The following ABCC3 variants were observed in gnomAD, a reference collection of about 807,000 sequenced individuals.
The protein encoded by ABCC3 is ATP binding cassette subfamily C member 3, also known as ATP-binding cassette sub-family C member 3.
Under a neutral mutation model 165.3 loss-of-function variants are expected in ABCC3, and 121 were observed. The observed-to-expected ratio is 0.73, with a 90% CI of 0.63 to 0.85. The LOEUF is 0.85. Among genes scored for constraint, ABCC3 ranks in the 40% least tolerant of loss-of-function variants. The pLI is 0.00. For missense variants in ABCC3, 1,869 were observed against 1,964.1 expected (o/e 0.95, Z 0.92); for synonymous variants, 733 against 810.1 (o/e 0.90, Z 1.62).
chr17:50,658,877 A>G (rs1184707465), intron 6 of ABCC3, among the ~76,000 whole-genome samples: 1 of 152,198 alleles, frequency 6.6e-6, no homozygotes, highest in Non-Finnish European at 1.5e-5. Context: ...CCTGGGTGAC[A>G]GCTCATTAAC....
intron 26 of ABCC3, among the ~76,000 whole-genome samples, chr17:50,682,918 A>T (rs756519527): frequency 1.2e-4 from 19 of 152,122 alleles, no homozygotes; most frequent in Non-Finnish European, 2.5e-4. Context: ...AAGGAATATA[A>T]GGTGTGGCAC....
intron 5 of ABCC3, 85 bp downstream of exon 5, chr17:50,658,292 C>T (rs1050138153): frequency 1.8e-5 from 29 of 1,603,468 alleles, no homozygotes; most frequent in Admixed American, 1.0e-4. Context: ...CCTCCAGTTC[C>T]TTTCAAAGTG....
At chr17:50,684,575 T>C in intron 28 of ABCC3, 134 bp from the exon 29 acceptor site, 2 of 954,080 alleles carry the variant, frequency 2.1e-6, no homozygotes, top group African/African-American at 3.3e-5. Flanking sequence ...TCTTTGGCCA[T>C]TGTGTCCTCT....
intron 8 of ABCC3, among the ~76,000 whole-genome samples, chr17:50,661,793 A>G (rs1465159367): frequency 2.6e-5 from 4 of 152,196 alleles, no homozygotes; most frequent in Admixed American, 6.5e-5. Flanking sequence ...CAGTGGGGGC[A>G]GAAGTGTTCT....
intron 23 of ABCC3, among the ~76,000 whole-genome samples, chr17:50,677,094 C>T (rs939839790): frequency 2.0e-5 from 3 of 152,194 alleles, no homozygotes; most frequent in African/African-American, 7.2e-5. Context: ...GTTGGCCAGG[C>T]TGCTCTTGAA....
At position 50,660,980 on chromosome 17, in the gene ABCC3, G is replaced by T; in HGVS notation, c.864G>T (p.Leu288=). Residue 288 remains leucine (L), a synonymous_variant, in exon 8 of 31, where the codon CTG becomes CTT. Coordinates refer to ENST00000285238, the MANE Select transcript of ABCC3 (RefSeq NM_003786.4). ...CCTCCGGCGAGGACGAGGTGCTGCT[G>T]GGTGCCCGGCCCAGGCCCCGGAAGC... ...KNASGEDEVL[L]GARPRPRKPS... is the part of the protein sequence containing the mutation. The T allele has an allele frequency of 6.2e-7, 1 of 1,613,862 alleles. No homozygotes were observed. The highest frequency in any genetic ancestry group is 2.2e-5 in the East Asian group (1 of 44,874).
chr17:50,651,410 C>G (rs1036525374), intron 1 of ABCC3, among the ~76,000 whole-genome samples: 1 of 152,098 alleles, frequency 6.6e-6, no homozygotes, highest in Non-Finnish European at 1.5e-5. Context: ...ACTTTCTATT[C>G]TTGATGCTAA....
At chr17:50,654,025 A>G (rs767378168) in intron 1 of ABCC3, among the ~76,000 whole-genome samples, 1 of 152,212 alleles carries the variant, frequency 6.6e-6, no homozygotes, top group Non-Finnish European at 1.5e-5. Flanking sequence ...TCAGTTCACT[A>G]TGTAAGGAGG....
intron 17 of ABCC3, among the ~76,000 whole-genome samples, chr17:50,670,336 GC>G (rs1967621946): frequency 6.6e-6 from 1 of 152,168 alleles, no homozygotes. Context: ...CCCCGCCTCA[GC>G]CTCTCAAAGT....
chr17:50,687,782 A>G (rs781286117), intron 30 of ABCC3, 52 bp downstream of exon 30: 1 of 1,564,276 alleles, frequency 6.4e-7, no homozygotes, highest in Admixed American at 1.7e-5. Context: ...CACCTGGGGC[A>G]TCAGGAATGG....
At chr17:50,690,860 A>G (rs1357034886) in intron 30 of ABCC3, among the ~76,000 whole-genome samples, 1 of 152,246 alleles carries the variant, frequency 6.6e-6, no homozygotes, top group Non-Finnish European at 1.5e-5. Context: ...AGCCCTGACT[A>G]GCAGAGATGA....
intron 14 of ABCC3, 111 bp from the exon 15 acceptor site, chr17:50,668,742 C>G: frequency 1.1e-6 from 1 of 928,654 alleles, no homozygotes; most frequent in Non-Finnish European, 1.7e-6. Flanking sequence ...GATCCCCTCC[C>G]CATGGCCCAG....
At position 50,634,890 on chromosome 17, in the gene ABCC3, G is replaced by T. The variant is rs2054163155; in HGVS notation, c.-47G>T. 2 of 1,244,444 alleles carry T rather than the reference G, an allele frequency of 1.6e-6. No homozygotes were observed. The highest frequency in any genetic ancestry group is 4.2e-5 in the Admixed American group (1 of 23,628). The allele number at this position is 1,244,444 out of a possible 1,614,324, so 77.1% of individuals were successfully genotyped here. Reference sequence around the variant, plus strand: ...GGCTCCGGCGCCCGCTCTGCCCGCCGCTGGGTCCGACCGCGCTCGCCTTCC... The same window carrying T: ...GGCTCCGGCGCCCGCTCTGCCCGCCTCTGGGTCCGACCGCGCTCGCCTTCC... On this transcript the variant is annotated 5_prime_UTR_variant, in exon 1 of 31. Transcript: ENST00000285238.
At chr17:50,677,968 C>T (rs1202984809) in intron 24 of ABCC3, 25 bp downstream of exon 24, 1 of 1,614,166 alleles carries the variant, frequency 6.2e-7, no homozygotes, top group South Asian at 1.1e-5. Context: ...CCCTCGCTCC[C>T]TGCTCCTCCA....
chr17:50,684,038 C>T lies in ABCC3; in HGVS notation c.4044C>T (p.Arg1348=), dbSNP rs917820333. Residue 1348 remains arginine (R), a synonymous_variant, in exon 28 of 31, where the codon CGC becomes CGT. Transcript: ENST00000285238. ...RILEAAKGEI[R]IDGLNVADIG... ...TGGAGGCGGCAAAGGGTGAAATCCG[C>T]ATTGATGGCCTCAATGTGGCAGACA... 2.5e-6 allele frequency: 4 copies of T among 1,612,764 alleles called. No individual in the cohort carries two copies. The highest frequency in any genetic ancestry group is 3.4e-5 in the Admixed American group (2 of 59,552).
At chr17:50,677,700 G>A in intron 23 of ABCC3, 44 bp from the exon 24 acceptor site, 3 of 1,580,386 alleles carry the variant, frequency 1.9e-6, no homozygotes, top group Non-Finnish European at 1.7e-6. Flanking sequence ...GACTGAGTTG[G>A]GGGTTCCATG....
At chr17:50,678,349 G>T in intron 25 of ABCC3, 130 bp downstream of exon 25, 8 of 901,562 alleles carry the variant, frequency 8.9e-6, no homozygotes, top group Non-Finnish European at 1.2e-5. Context: ...CTCAAGGACT[G>T]TGAGAAAAAA....
chr17:50,640,805 G>A (rs974873045), intron 1 of ABCC3, among the ~76,000 whole-genome samples: 2 of 152,226 alleles, frequency 1.3e-5, no homozygotes, highest in Admixed American at 6.5e-5. Flanking sequence ...TTACAGCACA[G>A]CCAGTTTTTG....
chr17:50,673,426 G>A (rs1297318226), intron 18 of ABCC3, 43 bp from the exon 19 acceptor site: 7 of 1,599,050 alleles, frequency 4.4e-6, no homozygotes, highest in Non-Finnish European at 6.0e-6. Flanking sequence ...CCAGGGGTGT[G>A]CTGGAGGGTG....
Sources: allele counts gnomAD v4.1 joint callset (sites outside exome capture counted in the v4.1 genomes callset), GRCh38; gene constraint gnomAD v4.1.1; transcripts MANE v1.5; gene names NCBI Gene and HGNC (gene_info 2026-07-23, HGNC 2026-07-21).